EYA1: variants seen among roughly 807,000 people sequenced by gnomAD.
The protein encoded by EYA1 is protein phosphatase EYA1.
EYA1 carries 16 observed loss-of-function variants against 82.0 expected under a neutral mutation model. The ratio of observed to expected loss-of-function variants is 0.20; its 90% CI spans 0.13 to 0.30. The LOEUF is 0.30. EYA1 is among the 10% of genes least tolerant of loss of function. The pLI is 1.00. For missense variants in EYA1, 633 were observed against 730.7 expected (o/e 0.87, Z 1.54); for synonymous variants, 261 against 264.4 (o/e 0.99, Z 0.12).
intron 16 of EYA1, among the ~76,000 whole-genome samples, chr8:71,214,994 C>T (rs1408223285): frequency 1.3e-5 from 2 of 152,128 alleles, no homozygotes; most frequent in Non-Finnish European, 2.9e-5. Flanking sequence ...ACAAATATTT[C>T]TAGTAATAAA....
chr8:71,438,796 A>G (rs1331750673), intron 2 of EYA1, among the ~76,000 whole-genome samples: 2 of 152,190 alleles, frequency 1.3e-5, no homozygotes, highest in African/African-American at 4.8e-5. Flanking sequence ...GATCAGGAGA[A>G]AGATCTCTAG....
chr8:71,453,960 A>G (rs1397185913), intron 2 of EYA1, among the ~76,000 whole-genome samples: 1 of 152,234 alleles, frequency 6.6e-6, no homozygotes, highest in Non-Finnish European at 1.5e-5. Flanking sequence ...GCTCCAATTA[A>G]AAGACACAGA....
Position 71,216,711 on chromosome 8 carries a change from G to T in EYA1, c.1341C>A (p.Thr447=). 6.2e-7 allele frequency: 1 copy of T among 1,614,098 alleles called. No individual in the cohort carries two copies. Among genetic ancestry groups the T allele is most frequent in the Admixed American group, 1.7e-5 (1 of 60,014 alleles). Residue 447 remains threonine (T), a synonymous_variant, in exon 14 of 18, where the codon ACC becomes ACA. Coordinates refer to ENST00000340726, the MANE Select transcript of EYA1 (RefSeq NM_000503.6). ...ACTTGCCTCCAACATTATTTTTGTAGGTGTTGTAGATCTCTTTTACCCGTC... is the reference window on the plus strand; with the variant it reads ...ACTTGCCTCCAACATTATTTTTGTATGTGTTGTAGATCTCTTTTACCCGTC... ...RYRRVKEIYN[T]YKNNVGGLLG... is the part of the protein sequence containing the mutation.
intron 3 of EYA1, among the ~76,000 whole-genome samples, chr8:71,345,363 G>A (rs1219569836): frequency 6.6e-6 from 1 of 152,176 alleles, no homozygotes. Flanking sequence ...CAACACTACA[G>A]GCATGTAGTA....
At chr8:71,276,677 C>T (rs763128609) in intron 9 of EYA1, among the ~76,000 whole-genome samples, 11 of 152,136 alleles carry the variant, frequency 7.2e-5, no homozygotes, top group South Asian at 2.1e-4. Context: ...TCGATAGGCT[C>T]GTCTTCCACC....
At chr8:71,364,842 C>A (rs1827644969), upstream of EYA1, among the ~76,000 whole-genome samples, 1 of 150,086 alleles carries the variant, frequency 6.7e-6, no homozygotes. Context: ...CCAGCTGTTG[C>A]CTAGATACCT....
chr8:71,444,633 G>A (rs1440622500), intron 2 of EYA1, among the ~76,000 whole-genome samples: 1 of 152,176 alleles, frequency 6.6e-6, no homozygotes, highest in African/African-American at 2.4e-5. Context: ...AACTTGGTAC[G>A]AGGTGACTGA....
At chr8:71,324,243 C>G (rs1214298724) in intron 4 of EYA1, among the ~76,000 whole-genome samples, 7 of 152,132 alleles carry the variant, frequency 4.6e-5, no homozygotes, top group Non-Finnish European at 7.4e-5. Flanking sequence ...ACACAGAGTA[C>G]AGGAAGTCCC....
intron 2 of EYA1, among the ~76,000 whole-genome samples, chr8:71,484,002 TCTC>T (rs2129215392): frequency 1.3e-5 from 2 of 152,268 alleles, no homozygotes; most frequent in African/African-American, 4.8e-5. Flanking sequence ...TTCTGGGACT[TCTC>T]AGGGGCTTTC....
upstream of EYA1, chr8:71,362,159 T>TTC (rs1220567465): frequency 7.2e-6 from 6 of 834,846 alleles, no homozygotes; most frequent in South Asian, 5.7e-5. Flanking sequence ...GGCTTTCTTT[T>TTC]TTTTTTTTTT....
At chr8:71,471,673 T>C (rs762442982) in intron 2 of EYA1, among the ~76,000 whole-genome samples, 14 of 152,098 alleles carry the variant, frequency 9.2e-5, no homozygotes, top group East Asian at 1.9e-4. Flanking sequence ...TATGAGCACA[T>C]TCCTCACAGC....
At chr8:71,480,130 A>G (rs1421567984) in intron 2 of EYA1, among the ~76,000 whole-genome samples, 2 of 152,222 alleles carry the variant, frequency 1.3e-5, no homozygotes, top group Admixed American at 6.5e-5. Flanking sequence ...CTTTACTCCT[A>G]AAGTTTATCC....
chr8:71,397,503 G>T (rs1829698200), intron 2 of EYA1, among the ~76,000 whole-genome samples: 1 of 152,140 alleles, frequency 6.6e-6, no homozygotes, highest in Non-Finnish European at 1.5e-5. Flanking sequence ...AAATCTCTCA[G>T]CACTTATTTG....
chr8:71,446,106 T>C (rs1806856923), intron 2 of EYA1, among the ~76,000 whole-genome samples: 1 of 152,218 alleles, frequency 6.6e-6, no homozygotes, highest in African/African-American at 2.4e-5. Context: ...TTTAAATACA[T>C]ATTTTGCAAT....
At chr8:71,538,110 A>G (rs142367203) in intron 1 of EYA1, among the ~76,000 whole-genome samples, 58 of 152,290 alleles carry the variant, frequency 3.8e-4, no homozygotes, top group African/African-American at 1.1e-3. Flanking sequence ...CTACATGTCA[A>G]TCCAAACCAT....
At chr8:71,490,016 A>T (rs1810880293) in intron 2 of EYA1, among the ~76,000 whole-genome samples, 1 of 152,154 alleles carries the variant, frequency 6.6e-6, no homozygotes, top group Admixed American at 6.5e-5. Flanking sequence ...GATCTCCAGG[A>T]CTGGATCCCA....
At chr8:71,542,754 T>C (rs964818094) in intron 1 of EYA1, among the ~76,000 whole-genome samples, 1 of 152,218 alleles carries the variant, frequency 6.6e-6, no homozygotes, top group Non-Finnish European at 1.5e-5. Context: ...ATAATAACCA[T>C]CTGACTGGTA....
chr8:71,265,424 G>A (rs1815676101), intron 11 of EYA1, among the ~76,000 whole-genome samples: 1 of 152,218 alleles, frequency 6.6e-6, no homozygotes, highest in African/African-American at 2.4e-5. Flanking sequence ...ACTATCTTAA[G>A]TGTTCATGTT....
At position 71,455,798 on chromosome 8, in the gene EYA1, T is replaced by G. The variant is rs150774181; in HGVS notation, c.33+79946A>C. ...ATTTATGACAAACCCATAGCTGATG[T>G]CATACTGAATGGGCAAAAACTGGAA... On this transcript the variant is annotated intron_variant, in intron 2 of 18. Coordinates refer to the EYA1 transcript ENST00000643681. Among the ~76,000 whole-genome samples, 83 of 152,288 alleles carry G rather than the reference T, an allele frequency of 5.5e-4. 3 individuals carry two copies. In the East Asian group the frequency reaches 0.014, roughly 25 times the overall value.
Sources: allele counts gnomAD v4.1 joint callset (sites outside exome capture counted in the v4.1 genomes callset), GRCh38; gene constraint gnomAD v4.1.1; transcripts MANE v1.5; gene names NCBI Gene and HGNC (gene_info 2026-07-23, HGNC 2026-07-21).